MARK3: variants seen among roughly 807,000 people sequenced by gnomAD.
The protein encoded by MARK3 is MAP/microtubule affinity-regulating kinase 3.
A neutral mutation model predicts 90.1 loss-of-function variants in MARK3; 46 were observed. The observed-to-expected ratio is 0.51, with a 90% confidence interval of 0.40 to 0.65. The LOEUF (loss-of-function observed/expected upper bound fraction) is 0.65, where lower values mean the gene tolerates loss of function less well. Among genes scored for constraint, MARK3 ranks in the 30% least tolerant of loss-of-function variants. The pLI, the probability that MARK3 is intolerant of heterozygous loss-of-function variation, is 0.00. For synonymous variants in MARK3, 321 were observed against 332.6 expected (o/e 0.97, Z 0.38); for missense variants, 818 against 947.2 (o/e 0.86, Z 1.79).
At position 103,499,987 on chromosome 14, in the gene MARK3, G is replaced by A. The variant is rs1287451597; in HGVS notation, c.1872-169G>A. On this transcript the variant is annotated intron_variant, in intron 16 of 17. Transcript: ENST00000429436. ...AGCCTTGTGGAAGAAGGTAGCGCTG[G>A]CTCAGTCAAATGAGAGGAAGAGTTT... 11 of 643,308 alleles carry A rather than the reference G, an allele frequency of 1.7e-5. No individual in the cohort carries two copies. In the Admixed American group the frequency reaches 2.5e-4, roughly 14 times the overall value. The allele number at this position is 643,308 out of a possible 1,614,324, so 39.8% of individuals were successfully genotyped here. A position where few individuals can be genotyped will look rare whatever the true frequency, so the allele number is the denominator to read the frequency against.
At chr14:103,409,387 A>G (rs557874619) in intron 2 of MARK3, among the ~76,000 whole-genome samples, 2 of 138,392 alleles carry the variant, frequency 1.4e-5, no homozygotes, top group East Asian at 4.2e-4. Context: ...TGGCACATGT[A>G]TACCTGTTTA....
At chr14:103,437,724 T>G (rs2065015) in intron 3 of MARK3, among the ~76,000 whole-genome samples, 43,025 of 152,108 alleles carry the variant, frequency 0.28, 7,261 homozygotes, top group Non-Finnish European at 0.36. Context: ...GGGTGCAAAT[T>G]AGGCCTTTGT....
At chr14:103,479,709 C>G (rs937346310) in intron 13 of MARK3, among the ~76,000 whole-genome samples, 1 of 145,068 alleles carries the variant, frequency 6.9e-6, no homozygotes, top group Admixed American at 7.2e-5. Context: ...CTCAGCTCAC[C>G]GCAACCTCTA....
rs545777331 is a variant in MARK3 at position 103,466,524 on chromosome 14, G to A, written c.997+82G>A. 13 of 857,350 alleles carry A rather than the reference G, an allele frequency of 1.5e-5. No individual in the cohort carries two copies. The African/African-American group carries it at 1.9e-4, about 12-fold the overall frequency. 53.1% of individuals were successfully genotyped at this position (857,350 alleles called of 1,614,324 possible). ...TTTGACTCATGTCTGTGCCTAAAAT[G>A]TGAATAATGGAAAGTTAAGCACAAG... On this transcript the variant is annotated intron_variant, in intron 10 of 17. Transcript: ENST00000429436.
intron 15 of MARK3, among the ~76,000 whole-genome samples, chr14:103,497,064 T>G (rs2075390072): frequency 2.0e-5 from 3 of 152,132 alleles, no homozygotes; most frequent in African/African-American, 7.2e-5. Context: ...TATTTAAAAG[T>G]AAAAGAAAAT....
At chr14:103,392,524 G>T (rs2090323416) in intron 1 of MARK3, among the ~76,000 whole-genome samples, 1 of 151,986 alleles carries the variant, frequency 6.6e-6, no homozygotes, top group South Asian at 2.1e-4. Context: ...AATTTCTGAT[G>T]TTTATTTATT....
intron 17 of MARK3, 79 bp downstream of exon 17, chr14:103,500,279 T>C: frequency 9.7e-7 from 1 of 1,028,528 alleles, no homozygotes; most frequent in Non-Finnish European, 1.4e-6. Context: ...ATTTTCTGAA[T>C]GTTCCCTACT....
chr14:103,490,291 G>A (rs917293893), intron 14 of MARK3: 2 of 152,200 alleles, frequency 1.3e-5, no homozygotes, highest in Admixed American at 6.5e-5. Flanking sequence ...CTGCAGCTAG[G>A]TGACAGCAAA....
At chr14:103,404,829 C>T (rs2091180405) in intron 1 of MARK3, among the ~76,000 whole-genome samples, 1 of 152,178 alleles carries the variant, frequency 6.6e-6, no homozygotes, top group Admixed American at 6.5e-5. Context: ...TTTTATATGA[C>T]AGCCACGTAT....
intron 3 of MARK3, among the ~76,000 whole-genome samples, chr14:103,437,705 T>C (rs1171517221): frequency 6.6e-6 from 1 of 152,160 alleles, no homozygotes; most frequent in Non-Finnish European, 1.5e-5. Context: ...TTGCAGAAAA[T>C]ATAAACTTGG....
At chr14:103,489,956 C>T (rs1595917920) in intron 14 of MARK3, 1 of 152,334 alleles carries the variant, frequency 6.6e-6, no homozygotes, top group Middle Eastern at 3.4e-3. Context: ...GAAGGGGGCT[C>T]TGCTGACTGT....
At chr14:103,441,657 A>G (rs1009402103) in intron 3 of MARK3, 1 of 152,122 alleles carries the variant, frequency 6.6e-6, no homozygotes, top group African/African-American at 2.4e-5. Context: ...TTGTCTTCAC[A>G]TGTTTAAAGT....
chr14:103,501,210 C>T (rs1003909651), intron 17 of MARK3, among the ~76,000 whole-genome samples: 3 of 152,234 alleles, frequency 2.0e-5, no homozygotes, highest in Non-Finnish European at 4.4e-5. Context: ...CCAGGCTGCC[C>T]CAGCAGCCCC....
intron 2 of MARK3, among the ~76,000 whole-genome samples, chr14:103,416,942 T>A (rs73365132): frequency 0.028 from 4,257 of 152,170 alleles, 221 homozygotes; most frequent in African/African-American, 0.097. Flanking sequence ...GATGAGGAGA[T>A]GTATTAGAGA....
chr14:103,490,798 C>T, intron 14 of MARK3: 1 of 283,070 alleles, frequency 3.5e-6, no homozygotes, highest in Non-Finnish European at 5.7e-6. Flanking sequence ...AGCAGTTGCT[C>T]CAGAATCTCC....
chr14:103,427,164 CTT>C (rs71126020), intron 2 of MARK3, among the ~76,000 whole-genome samples: 1 of 145,170 alleles, frequency 6.9e-6, no homozygotes, highest in Non-Finnish European at 1.5e-5. Flanking sequence ...CCCCAATTTT[CTT>C]TTTTTTTTTT....
chr14:103,462,272 T>C (rs749453253), intron 6 of MARK3, 133 bp from the exon 7 acceptor site: 70 of 565,590 alleles, frequency 1.2e-4, no homozygotes, highest in Non-Finnish European at 2.0e-4. Flanking sequence ...CATAGGAAAA[T>C]TGTTTTTAGA....
chr14:103,493,241 TTTTTTTTTTTTTTTTAA>T (rs902855842), intron 15 of MARK3, among the ~76,000 whole-genome samples: 2 of 6,718 alleles, frequency 3.0e-4, no homozygotes, highest in Non-Finnish European at 1.5e-3. Flanking sequence ...GGAGTATTCC[TTTTTTTTTTTTTTTTAA>T]TTTTTTTTTT....
chr14:103,463,619 T>C (rs2093443869), intron 7 of MARK3, among the ~76,000 whole-genome samples: 1 of 152,210 alleles, frequency 6.6e-6, no homozygotes, highest in Non-Finnish European at 1.5e-5. Flanking sequence ...CTCACTCTTT[T>C]ATGTCCCTGT....
Sources: allele counts gnomAD v4.1 joint callset (sites outside exome capture counted in the v4.1 genomes callset), GRCh38; gene constraint gnomAD v4.1.1; transcripts MANE v1.5; gene names NCBI Gene and HGNC (gene_info 2026-07-23, HGNC 2026-07-21).